The following ACOT12 variants were observed in gnomAD, a reference collection of about 807,000 sequenced individuals.
ACOT12 encodes the protein acyl-CoA thioesterase 12, also known as acetyl-coenzyme A thioesterase.
ACOT12 carries 51 observed loss-of-function variants against 67.7 expected under a neutral mutation model. The ratio of observed to expected loss-of-function variants is 0.75; its 90% confidence interval spans 0.60 to 0.95. ACOT12 has a LOEUF of 0.95. Among genes scored for constraint, ACOT12 ranks in the 40% least tolerant of loss-of-function variants. ACOT12 has a pLI of 0.00. For synonymous variants in ACOT12, 251 were observed against 244.6 expected (o/e 1.03, Z -0.24); for missense variants, 734 against 708.1 (o/e 1.04, Z -0.41).
chr5:81,343,731 C>A, intron 10 of ACOT12, 87 bp downstream of exon 10: 1 of 1,345,918 alleles, frequency 7.4e-7, no homozygotes, highest in Non-Finnish European at 1.0e-6. Flanking sequence ...CCTGCGTAGG[C>A]ACAGCCTAGG....
At chr5:81,380,535 G>T (rs1251139482) in intron 2 of ACOT12, among the ~76,000 whole-genome samples, 2 of 114,020 alleles carry the variant, frequency 1.8e-5, no homozygotes, top group African/African-American at 9.6e-5. Flanking sequence ...TTGCACTTCA[G>T]CCTGGGTGAC....
intron 1 of ACOT12, among the ~76,000 whole-genome samples, chr5:81,388,750 G>C (rs993966095): frequency 6.6e-6 from 1 of 152,186 alleles, no homozygotes; most frequent in Non-Finnish European, 1.5e-5. Context: ...CTCATCTTGA[G>C]TTGTAGCTCC....
chr5:81,317,730 T>G, the ACOT12 span, among the ~76,000 whole-genome samples: 98 of 152,232 alleles, frequency 6.4e-4, 1 homozygote, highest in African/African-American at 2.2e-3. Context: ...AGGGGAAGTC[T>G]GCCCCGATGA....
Position 81,331,483 on chromosome 5 carries a change from G to A in ACOT12, c.1392-543C>T, listed in dbSNP as rs181470256. ...ACCCGGGAGGCAGAAGTTGCAGTGAGCTGAGATTGTGCCATTGCACTCCAG... is the reference window on the plus strand; with the variant it reads ...ACCCGGGAGGCAGAAGTTGCAGTGAACTGAGATTGTGCCATTGCACTCCAG... On this transcript the variant is annotated intron_variant, in intron 13 of 14. Transcript: ENST00000307624. 2.0e-3 allele frequency among the ~76,000 whole-genome samples: 303 copies of A among 152,362 alleles called. 2 individuals carry two copies. The highest frequency in any genetic ancestry group is 6.9e-3 in the African/African-American group (288 of 41,588).
Position 81,358,925 on chromosome 5 carries a change from A to G in ACOT12, c.496+978T>C, listed in dbSNP as rs372172509. Among the ~76,000 whole-genome samples, 27 of 152,242 alleles carry G rather than the reference A, an allele frequency of 1.8e-4. 1 individual carries two copies. The South Asian group carries it at 5.6e-3, about 32-fold the overall frequency. ...TCAGCAATGAGTAGAAACCTTTGAA[A>G]AATCTCTTTTTCAACCCGTAAGTCT... On this transcript the variant is annotated intron_variant, in intron 5 of 14. Transcript: ENST00000307624.
Position 81,344,903 on chromosome 5 carries a change from T to C in ACOT12, c.912A>G (p.Gln304=). ...KENLITFPRI[Q]PISKDDFRRY... ...GATAATAACTGACCTTTGAAATGGG[T>C]TGGATTCTGGGAAACGTGATGAGAT... The change falls in exon 8 of 15, where the codon CAA becomes CAG. Residue 304 remains glutamine, a synonymous_variant. Coordinates refer to ENST00000307624, the MANE Select transcript of ACOT12 (RefSeq NM_130767.3). The C allele has an allele frequency of 6.2e-7, 1 of 1,614,130 alleles. No homozygotes were observed. The highest frequency in any genetic ancestry group is 8.5e-7 in the Non-Finnish European group (1 of 1,180,000).
At chr5:81,310,178 AAAT>A in the ACOT12 span, among the ~76,000 whole-genome samples, 1 of 148,296 alleles carries the variant, frequency 6.7e-6, no homozygotes, top group Non-Finnish European at 1.5e-5. Context: ...AAAAAAAAAA[AAAT>A]TAATGCAGCA....
At chr5:81,356,749 C>T (rs78273405) in intron 5 of ACOT12, among the ~76,000 whole-genome samples, 4,018 of 151,838 alleles carry the variant, frequency 0.026, 101 homozygotes, top group African/African-American at 0.058. Flanking sequence ...CACAGCCAAT[C>T]GGTGACCCTA....
chr5:81,334,273 C>A (rs1266291308), intron 12 of ACOT12, among the ~76,000 whole-genome samples: 3 of 152,220 alleles, frequency 2.0e-5, no homozygotes, highest in African/African-American at 7.2e-5. Context: ...GGCAGAGGGT[C>A]TGATCGAGCT....
At chr5:81,326,929 T>C (rs1025768180), downstream of ACOT12, among the ~76,000 whole-genome samples, 6 of 152,188 alleles carry the variant, frequency 3.9e-5, no homozygotes, top group African/African-American at 9.7e-5. Context: ...AAATAAATTA[T>C]GAGCAAACTT....
chr5:81,353,179 G>T (rs1261339381), intron 5 of ACOT12, among the ~76,000 whole-genome samples: 3 of 152,178 alleles, frequency 2.0e-5, no homozygotes, highest in Non-Finnish European at 2.9e-5. Flanking sequence ...AGAGGGAGGT[G>T]CTAGGTGAGA....
At chr5:81,332,188 T>C (rs1328443036) in intron 13 of ACOT12, among the ~76,000 whole-genome samples, 1 of 152,212 alleles carries the variant, frequency 6.6e-6, no homozygotes, top group Non-Finnish European at 1.5e-5. Context: ...TTCCACGACA[T>C]TTTTACTAAT....
chr5:81,330,958 C>A lies in ACOT12; in HGVS notation c.1392-18G>T. 1 of 1,573,712 alleles carries A rather than the reference C, an allele frequency of 6.4e-7. No homozygotes were observed. Among genetic ancestry groups the A allele is most frequent in the Non-Finnish European group, 8.6e-7 (1 of 1,161,944 alleles). ...AAGTGTTACTGAAAGAAAACACTTT[C>A]TAAGCTCTTGTGAGAAATAAAGAAT... On this transcript the variant is annotated intron_variant, in intron 13 of 14. Transcript: ENST00000307624.
rs1480954704 is a variant in ACOT12, at chr5:81,332,600, C to T, written c.1268G>A (p.Cys423Tyr). Residue 423 changes from cysteine (C) to tyrosine (Y), a missense_variant, in exon 13 of 15, where the codon TGT becomes TAT. Transcript: ENST00000307624. ...RPLWDPHFVS[C>Y]EVIDWVSEDD... The stretch of plus-strand genomic sequence containing the variant: ...TTCACTCACCCAGTCTATGACTTCA[C>T]AGGACCTGTGTATATAGAACAGTGA... 1.2e-6 allele frequency: 2 copies of T among 1,613,868 alleles called. No homozygotes were observed. Among genetic ancestry groups the T allele is most frequent in the East Asian group, 2.2e-5 (1 of 44,882 alleles).
At chr5:81,310,923 C>A in the ACOT12 span, among the ~76,000 whole-genome samples, 210 of 152,296 alleles carry the variant, frequency 1.4e-3, no homozygotes, top group Middle Eastern at 0.01. Context: ...ATCCAGGCTT[C>A]TGTGCAATAG....
the ACOT12 span, among the ~76,000 whole-genome samples, chr5:81,314,546 T>C: frequency 6.6e-6 from 1 of 152,196 alleles, no homozygotes; most frequent in East Asian, 1.9e-4. Flanking sequence ...AGATCCTGAG[T>C]GTTCATTAAA....
At chr5:81,369,694 C>A (rs1674934462) in intron 3 of ACOT12, among the ~76,000 whole-genome samples, 1 of 152,080 alleles carries the variant, frequency 6.6e-6, no homozygotes, top group Middle Eastern at 3.2e-3. Context: ...CTTTTGTTTT[C>A]TTAGCTTTTA....
At chr5:81,352,962 T>A (rs1027615853) in intron 5 of ACOT12, among the ~76,000 whole-genome samples, 1 of 152,348 alleles carries the variant, frequency 6.6e-6, no homozygotes, top group African/African-American at 2.4e-5. Context: ...TATGCCTTTT[T>A]ATGCGTTTTG....
At chr5:81,323,895 T>TACATATATATAC in the ACOT12 span, among the ~76,000 whole-genome samples, 1 of 137,214 alleles carries the variant, frequency 7.3e-6, no homozygotes, top group Non-Finnish European at 1.6e-5. Context: ...TATACATATA[T>TACATATATATAC]ACGTATATAT....
Sources: allele counts gnomAD v4.1 joint callset (sites outside exome capture counted in the v4.1 genomes callset), GRCh38; gene constraint gnomAD v4.1.1; transcripts MANE v1.5; gene names NCBI Gene and HGNC (gene_info 2026-07-23, HGNC 2026-07-21).